ZFYVE26: variants seen among roughly 807,000 people sequenced by gnomAD.
ZFYVE26 encodes the protein zinc finger FYVE-type containing 26, also known as zinc finger FYVE domain-containing protein 26.
In ZFYVE26, 181 loss-of-function variants were observed where a neutral mutation model predicts 276.5. That is an observed-to-expected ratio of 0.65 (90% CI 0.58 to 0.74). The LOEUF is 0.74. ZFYVE26 is among the 30% of genes least tolerant of loss of function. The probability of loss-of-function intolerance (pLI) is 0.00; values close to 1 mark genes in which losing one functional copy is unlikely to be tolerated. For missense variants in ZFYVE26, 2,821 were observed against 3,097.9 expected (o/e 0.91, Z 2.12); for synonymous variants, 1,129 against 1,203.1 (o/e 0.94, Z 1.27).
intron 2 of ZFYVE26, 87 bp downstream of exon 2, chr14:67,815,683 T>C: frequency 1.5e-6 from 2 of 1,309,084 alleles, no homozygotes; most frequent in Non-Finnish European, 2.2e-6. Context: ...AGAGGGTAGT[T>C]GAGTGGGGGC....
intron 35 of ZFYVE26, among the ~76,000 whole-genome samples, chr14:67,759,401 G>A (rs2038874941): frequency 6.6e-6 from 1 of 151,324 alleles, no homozygotes; most frequent in African/African-American, 2.4e-5. Flanking sequence ...CCAGGCAGGC[G>A]GATCACAAGG....
intron 10 of ZFYVE26, among the ~76,000 whole-genome samples, chr14:67,800,054 A>G (rs934074942): frequency 2.6e-5 from 4 of 152,198 alleles, no homozygotes; most frequent in Admixed American, 1.3e-4. Flanking sequence ...TTTGGTCTTA[A>G]TGATCTTGAA....
At chr14:67,744,228 T>C (rs1057153972), downstream of ZFYVE26, among the ~76,000 whole-genome samples, 10 of 152,188 alleles carry the variant, frequency 6.6e-5, no homozygotes, top group African/African-American at 2.4e-4. Flanking sequence ...TCTGGTAACC[T>C]TGGAGTGTCT....
At chr14:67,754,947 T>C in intron 37 of ZFYVE26, 104 bp downstream of exon 37, 1 of 1,338,138 alleles carries the variant, frequency 7.5e-7, no homozygotes, top group Non-Finnish European at 1.1e-6. Context: ...CCTTTAGATT[T>C]TTTTTCAGGA....
intron 41 of ZFYVE26, among the ~76,000 whole-genome samples, chr14:67,750,224 A>G (rs2038600525): frequency 6.6e-6 from 1 of 152,248 alleles, no homozygotes; most frequent in African/African-American, 2.4e-5. Flanking sequence ...TGTTACAGAA[A>G]TAAATGAAGA....
intron 10 of ZFYVE26, chr14:67,799,127 T>C (rs1213777739): frequency 7.0e-7 from 1 of 1,419,586 alleles, no homozygotes; most frequent in East Asian, 2.3e-5. Context: ...GGAGGCGTAC[T>C]GGCGGCTACT....
intron 23 of ZFYVE26, among the ~76,000 whole-genome samples, chr14:67,779,107 A>T (rs2140217069): frequency 6.6e-6 from 1 of 152,176 alleles, no homozygotes; most frequent in African/African-American, 2.4e-5. Context: ...TTCAATGAGC[A>T]TCTACACAGT....
rs1555393901 is a variant in ZFYVE26 at position 67,757,680 on chromosome 14, T to TTCTTTCTTTCTTTCTC, written c.6589-1536_6589-1535insGAGAAAGAAAGAAAGA. ...TTTCTTTCTTTCTTTCTTTCTTTCTTTCTCTCTCTCTTTCCTTTCTTTCTC... is the reference window on the plus strand; with the variant it reads ...TTTCTTTCTTTCTTTCTTTCTTTCTTTCTTTCTTTCTTTCTCTCTCTCTCTCTTTCCTTTCTTTCTC... On this transcript the variant is annotated intron_variant, in intron 35 of 41. Coordinates refer to ENST00000347230, the MANE Select transcript of ZFYVE26 (RefSeq NM_015346.4). Among the ~76,000 whole-genome samples the TTCTTTCTTTCTTTCTC allele has an allele frequency of 2.1e-5, 3 of 144,884 alleles. No individual in the cohort carries two copies. In the East Asian group the frequency reaches 5.8e-4, roughly 28 times the overall value.
rs377221405 is a variant in ZFYVE26 at position 67,772,117 on chromosome 14, G to A, written c.5414C>T (p.Ala1805Val). The A allele has an allele frequency of 6.2e-7, 1 of 1,612,844 alleles. No homozygotes were observed. Among genetic ancestry groups the A allele is most frequent in the African/African-American group, 1.3e-5 (1 of 74,868 alleles). The change falls in exon 28 of 42, where the codon GCC becomes GTC. Residue 1805 changes from alanine (A) to valine (V), a missense_variant. By Grantham distance (64) the Ala-to-Val change is moderately conservative. Coordinates refer to ENST00000347230, the MANE Select transcript of ZFYVE26 (RefSeq NM_015346.4). ...CTCATCCGGTACCCACTGGTGCCTGGCAGGGGGTGTCGCTGGGGGCACAAA... is the reference window on the plus strand; with the variant it reads ...CTCATCCGGTACCCACTGGTGCCTGACAGGGGGTGTCGCTGGGGGCACAAA... ...QEFVPPATPP[A>V]RHQWVPDETE... is the part of the protein sequence containing the mutation.
In ZFYVE26 at chr14:67,783,228, A is replaced by C. The variant is rs753293817; in HGVS notation, c.3924T>G (p.Leu1308=). ...TAGCTAGGAGCTTTGAGCGTGACTT[A>C]AGAAAGGCCAAGGCAGAGGAGGTGA... ...PALTSSALAF[L]KSRSKLLATV... Residue 1308 remains leucine, a synonymous_variant, in exon 21 of 42, where the codon CTT becomes CTG. Transcript: ENST00000347230. 1 of 1,613,832 alleles carries C rather than the reference A, an allele frequency of 6.2e-7. No individual in the cohort carries two copies. The highest frequency in any genetic ancestry group is 8.5e-7 in the Non-Finnish European group (1 of 1,179,760).
chr14:67,777,676 G>C lies in ZFYVE26; in HGVS notation c.4857C>G (p.Asp1619Glu). The change falls in exon 25 of 42, where the codon GAC becomes GAG. Residue 1619 changes from aspartate (D) to glutamate (E), a missense_variant. Coordinates refer to ENST00000347230, the MANE Select transcript of ZFYVE26 (RefSeq NM_015346.4). ...MCLEVTEQSL[D>E]QHTSLATSHF... is the part of the protein sequence containing the mutation. Reference sequence around the variant, plus strand: ...GAGAAGTGGCCAAGCTAGTGTGCTGGTCGAGGGATTGCTCTGTCACTTCAA... The same window carrying C: ...GAGAAGTGGCCAAGCTAGTGTGCTGCTCGAGGGATTGCTCTGTCACTTCAA... The C allele has an allele frequency of 6.2e-7, 1 of 1,614,182 alleles. No homozygotes were observed. The highest frequency in any genetic ancestry group is 1.1e-5 in the South Asian group (1 of 91,074).
intron 25 of ZFYVE26, 90 bp from the exon 26 acceptor site, chr14:67,776,196 A>C (rs1836941234): frequency 6.3e-7 from 1 of 1,582,268 alleles, no homozygotes; most frequent in African/African-American, 1.3e-5. Context: ...GGAAGGGTGC[A>C]TGAGAACAAA....
intron 13 of ZFYVE26, among the ~76,000 whole-genome samples, 160 bp from the exon 14 acceptor site, chr14:67,793,919 G>A (rs2039887208): frequency 6.6e-6 from 1 of 152,172 alleles, no homozygotes; most frequent in Non-Finnish European, 1.5e-5. Context: ...GCAAACCTAT[G>A]CTACCATCTT....
intron 16 of ZFYVE26, among the ~76,000 whole-genome samples, chr14:67,786,785 C>A (rs947497882): frequency 6.6e-6 from 1 of 152,194 alleles, no homozygotes; most frequent in Non-Finnish European, 1.5e-5. Context: ...TTTGAAGCAA[C>A]CTCAGTGTCC....
chr14:67,769,604 A>G lies in ZFYVE26; in HGVS notation c.5611T>C (p.Cys1871Arg), dbSNP rs747790566. Reference sequence around the variant, plus strand: ...CTGTAGGACACTCACTCTTTGTTGCAGTAACTATAGCACTGATCACACACA... The same window carrying G: ...CTGTAGGACACTCACTCTTTGTTGCGGTAACTATAGCACTGATCACACACA... ...ARVCDQCYSY[C>R]NKDVPEEPSE... The change falls in exon 29 of 42, where the codon TGC (cysteine) becomes CGC (arginine). Residue 1871 changes from cysteine to arginine, a missense_variant. Transcript: ENST00000347230. 8 of 1,613,840 alleles carry G rather than the reference A, an allele frequency of 5.0e-6. No homozygotes were observed. Among genetic ancestry groups the G allele is most frequent in the Non-Finnish European group, 6.8e-6 (8 of 1,179,862 alleles).
intron 14 of ZFYVE26, 91 bp downstream of exon 14, chr14:67,793,517 G>A: frequency 6.8e-7 from 1 of 1,464,288 alleles, no homozygotes; most frequent in Non-Finnish European, 9.3e-7. Flanking sequence ...GTGGACCCCT[G>A]AGTGCTCCCA....
At chr14:67,786,977 A>T (rs2039675635) in intron 16 of ZFYVE26, among the ~76,000 whole-genome samples, 1 of 152,218 alleles carries the variant, frequency 6.6e-6, no homozygotes, top group African/African-American at 2.4e-5. Context: ...TATGTGTGGG[A>T]TCCAAAAATC....
At chr14:67,759,063 C>A (rs1193288036) in intron 35 of ZFYVE26, among the ~76,000 whole-genome samples, 1 of 150,844 alleles carries the variant, frequency 6.6e-6, no homozygotes, top group African/African-American at 2.4e-5. Flanking sequence ...CATGGTGAAA[C>A]CCCGTCTCTA....
At chr14:67,731,596 TAC>T (rs1456241215) in intron 13 of ZFYVE26, among the ~76,000 whole-genome samples, 2 of 152,016 alleles carry the variant, frequency 1.3e-5, no homozygotes, top group South Asian at 2.1e-4. Flanking sequence ...TAATAAAATA[TAC>T]AGTCATTAAA....
Sources: allele counts gnomAD v4.1 joint callset (sites outside exome capture counted in the v4.1 genomes callset), GRCh38; gene constraint gnomAD v4.1.1; transcripts MANE v1.5; gene names NCBI Gene and HGNC (gene_info 2026-07-23, HGNC 2026-07-21).